CTNNA3: variants seen among roughly 807,000 people sequenced by gnomAD.
The protein encoded by CTNNA3 is catenin alpha 3, also known as catenin alpha-3.
CTNNA3 carries 76 observed loss-of-function variants against 95.7 expected under a neutral mutation model. That is an observed-to-expected ratio of 0.79 (90% confidence interval 0.66 to 0.96). The LOEUF is 0.96. Ranked by LOEUF, CTNNA3 falls within the 40% of genes least tolerant of loss-of-function variation. CTNNA3 has a pLI of 0.00. For missense variants in CTNNA3, 1,191 were observed against 1,089.8 expected (o/e 1.09, Z -1.31); for synonymous variants, 431 against 374.4 (o/e 1.15, Z -1.74).
intron 2 of CTNNA3, among the ~76,000 whole-genome samples, chr10:67,623,985 C>G (rs1032316260): frequency 2.6e-5 from 4 of 152,124 alleles, no homozygotes; most frequent in Admixed American, 1.3e-4. Context: ...CCACGCCTGG[C>G]TAATTTTTTG....
At position 66,554,494 on chromosome 10, in the gene CTNNA3, A is replaced by C. The variant is rs773427809; in HGVS notation, c.1375-33721T>G. ...GAGATTCCAATGGCAAATATGCCAG[A>C]ACTTCTCCTATTTTTAATAGCTGTT... On this transcript the variant is annotated intron_variant, in intron 10 of 17. Coordinates refer to ENST00000433211, the MANE Select transcript of CTNNA3 (RefSeq NM_013266.4). 3.5e-4 allele frequency among the ~76,000 whole-genome samples: 54 copies of C among 152,256 alleles called. 2 individuals are homozygous for C. Among genetic ancestry groups the C allele is most frequent in the Non-Finnish European group, 2.4e-4 (16 of 68,002 alleles).
Position 66,491,303 on chromosome 10 carries a change from CA to C in CTNNA3, c.1531+29313del, listed in dbSNP as rs1475576094. On this transcript the variant is annotated intron_variant, in intron 11 of 17. Transcript: ENST00000433211. ...CATATTTGATAAGGCCTATTGCAAA[CA>C]AAGATAGGTTATAAGGTACTGTAGA... is the stretch of plus-strand genomic sequence containing the variant. 7.2e-5 allele frequency among the ~76,000 whole-genome samples: 11 copies of C among 152,056 alleles called. No individual in the cohort carries two copies. In the East Asian group the frequency reaches 1.9e-3, roughly 27 times the overall value.
At chr10:67,427,045 A>G (rs911586044) in intron 5 of CTNNA3, among the ~76,000 whole-genome samples, 1 of 152,194 alleles carries the variant, frequency 6.6e-6, no homozygotes, top group Admixed American at 6.5e-5. Context: ...TTTTTAATTT[A>G]TAAATGAACA....
At chr10:66,472,289 G>C (rs550798198) in intron 11 of CTNNA3, among the ~76,000 whole-genome samples, 1 of 151,918 alleles carries the variant, frequency 6.6e-6, no homozygotes, top group East Asian at 1.9e-4. Flanking sequence ...CAGGTTTGTT[G>C]AGATTTGGGC....
intron 13 of CTNNA3, among the ~76,000 whole-genome samples, chr10:66,140,379 T>A (rs1036172264): frequency 6.6e-6 from 1 of 152,162 alleles, no homozygotes; most frequent in African/African-American, 2.4e-5. Flanking sequence ...CTGAGGAAGG[T>A]AATGTTAAGA....
intron 9 of CTNNA3, among the ~76,000 whole-genome samples, chr10:66,706,866 A>G (rs1396729210): frequency 6.6e-6 from 1 of 152,032 alleles, no homozygotes; most frequent in African/African-American, 2.4e-5. Flanking sequence ...GTAATGAGAG[A>G]GTGTTTCGGT....
chr10:67,333,973 A>C (rs1841891966), intron 5 of CTNNA3: 1 of 152,214 alleles, frequency 6.6e-6, no homozygotes, highest in South Asian at 2.1e-4. Context: ...ATAGCTGTAC[A>C]TATGCAATAT....
intron 16 of CTNNA3, 81 bp from the exon 17 acceptor site, chr10:65,966,827 T>C (rs889705144): frequency 2.2e-5 from 24 of 1,073,418 alleles, no homozygotes; most frequent in Admixed American, 4.4e-5. Context: ...AGTATTCACA[T>C]GGCAGGTACC....
At chr10:67,740,498 G>A (rs1286523079) in intron 1 of CTNNA3, among the ~76,000 whole-genome samples, 1 of 151,310 alleles carries the variant, frequency 6.6e-6, no homozygotes, top group Non-Finnish European at 1.5e-5. Flanking sequence ...GGTGGGCAAA[G>A]GACATGAACA....
At chr10:67,219,337 C>A (rs1261290642) in intron 6 of CTNNA3, among the ~76,000 whole-genome samples, 1 of 152,140 alleles carries the variant, frequency 6.6e-6, no homozygotes, top group Non-Finnish European at 1.5e-5. Flanking sequence ...AGTAGATCTA[C>A]ATAAAACAAA....
chr10:65,928,747 T>C (rs890744997), intron 17 of CTNNA3, among the ~76,000 whole-genome samples: 9 of 152,278 alleles, frequency 5.9e-5, no homozygotes, highest in Non-Finnish European at 1.0e-4. Flanking sequence ...CCTCTAAACA[T>C]GGCACAAAAA....
intron 3 of CTNNA3, among the ~76,000 whole-genome samples, chr10:67,556,988 A>T (rs1841283591): frequency 6.6e-6 from 1 of 152,228 alleles, no homozygotes; most frequent in East Asian, 1.9e-4. Flanking sequence ...GAATATCTTT[A>T]TTTCTGCCTT....
chr10:66,474,421 A>G (rs1406871549), intron 11 of CTNNA3, among the ~76,000 whole-genome samples: 1 of 152,068 alleles, frequency 6.6e-6, no homozygotes, highest in Non-Finnish European at 1.5e-5. Context: ...CTGTGTATGT[A>G]TAACACATTT....
intron 3 of CTNNA3, among the ~76,000 whole-genome samples, chr10:67,554,967 A>G (rs1358109070): frequency 1.3e-5 from 2 of 152,134 alleles, no homozygotes; most frequent in South Asian, 4.1e-4. Context: ...TCAGCTTTCT[A>G]CATATGGCTA....
At chr10:66,632,412 G>A (rs1845170411) in intron 9 of CTNNA3, among the ~76,000 whole-genome samples, 1 of 151,684 alleles carries the variant, frequency 6.6e-6, no homozygotes, top group Non-Finnish European at 1.5e-5. Flanking sequence ...AAAATTAGCC[G>A]GGCTTGGTGG....
intron 12 of CTNNA3, among the ~76,000 whole-genome samples, chr10:66,367,778 T>G (rs116849565): frequency 0.035 from 5,250 of 148,578 alleles, 122 homozygotes; most frequent in Non-Finnish European, 0.049. Context: ...TTACAGAGGA[T>G]AGCGAATTGC....
chr10:66,845,351 G>A (rs1843206437), intron 7 of CTNNA3, among the ~76,000 whole-genome samples: 1 of 152,064 alleles, frequency 6.6e-6, no homozygotes, highest in African/African-American at 2.4e-5. Context: ...TTGTCAAAAA[G>A]GCAAAAGATA....
At chr10:66,920,892 A>C (rs1846751466) in intron 7 of CTNNA3, among the ~76,000 whole-genome samples, 1 of 152,182 alleles carries the variant, frequency 6.6e-6, no homozygotes, top group Non-Finnish European at 1.5e-5. Flanking sequence ...TCCCGAATCT[A>C]ACCAATGCTC....
intron 5 of CTNNA3, chr10:67,334,163 C>A: frequency 6.5e-6 from 1 of 153,792 alleles, no homozygotes; most frequent in South Asian, 1.9e-4. Flanking sequence ...GTTCTAGTCC[C>A]TTATCATAAA....
Sources: allele counts gnomAD v4.1 joint callset (sites outside exome capture counted in the v4.1 genomes callset), GRCh38; gene constraint gnomAD v4.1.1; transcripts MANE v1.5; gene names NCBI Gene and HGNC (gene_info 2026-07-23, HGNC 2026-07-21).